NR5A2: variants seen among roughly 807,000 people sequenced by gnomAD.
NR5A2 encodes the protein CYP7A promoter-binding factor.
Under a neutral mutation model 62.7 loss-of-function variants are expected in NR5A2, and 26 were observed. That is an observed-to-expected ratio of 0.41 (90% CI 0.30 to 0.58). NR5A2 has a LOEUF of 0.58. Among genes scored for constraint, NR5A2 ranks in the 20% least tolerant of loss-of-function variants. The pLI is 0.22. For missense variants in NR5A2, 541 were observed against 669.1 expected, an observed-to-expected ratio of 0.81 and a Z score of 2.11; for synonymous variants, 246 against 241.7, an observed-to-expected ratio of 1.02 and a Z score of -0.16.
At chr1:200,087,241 A>AACACACACACACAC (rs34917175) in intron 5 of NR5A2, among the ~76,000 whole-genome samples, 16 of 148,510 alleles carry the variant, frequency 1.1e-4, no homozygotes, top group South Asian at 4.3e-4. Context: ...CTTCTTCACC[A>AACACACACACACAC]ACACACACAC....
chr1:200,064,484 A>C (rs1663379265), intron 5 of NR5A2, among the ~76,000 whole-genome samples: 1 of 152,192 alleles, frequency 6.6e-6, no homozygotes, highest in Admixed American at 6.5e-5. Flanking sequence ...ACTTCTTGGA[A>C]ACTTCAAGTA....
chr1:200,133,267 C>T (rs1667046418), intron 7 of NR5A2, among the ~76,000 whole-genome samples: 1 of 151,822 alleles, frequency 6.6e-6, no homozygotes, highest in Non-Finnish European at 1.5e-5. Flanking sequence ...ATGCTGGGTA[C>T]CCTGAACTTT....
intron 7 of NR5A2, among the ~76,000 whole-genome samples, chr1:200,154,469 G>A (rs1653284501): frequency 1.3e-5 from 2 of 152,194 alleles, no homozygotes; most frequent in African/African-American, 4.8e-5. Flanking sequence ...AGAGAGCAAT[G>A]GGGTGATACT....
chr1:200,070,800 T>G (rs1346102142), intron 5 of NR5A2, among the ~76,000 whole-genome samples: 2 of 146,374 alleles, frequency 1.4e-5, no homozygotes, highest in African/African-American at 2.5e-5. Flanking sequence ...AGAGCTGGTT[T>G]AAGTGGCTGG....
At chr1:200,164,127 C>T (rs141799571) in intron 7 of NR5A2, among the ~76,000 whole-genome samples, 2 of 152,124 alleles carry the variant, frequency 1.3e-5, no homozygotes, top group Admixed American at 6.5e-5. Flanking sequence ...TGTGCCTGCC[C>T]CACCCTCACC....
chr1:200,133,400 T>C (rs1667053430), intron 7 of NR5A2, among the ~76,000 whole-genome samples: 2 of 151,742 alleles, frequency 1.3e-5, no homozygotes, highest in Non-Finnish European at 1.5e-5. Flanking sequence ...TGGACTCAAA[T>C]TGGGCAATTC....
At chr1:200,094,775 G>A (rs985484943) in intron 5 of NR5A2, among the ~76,000 whole-genome samples, 1 of 151,176 alleles carries the variant, frequency 6.6e-6, no homozygotes, top group South Asian at 2.1e-4. Flanking sequence ...CTTGTGATCT[G>A]CCCGCCTCGG....
At chr1:200,117,379 C>T (rs1666272101) in intron 6 of NR5A2, among the ~76,000 whole-genome samples, 1 of 152,092 alleles carries the variant, frequency 6.6e-6, no homozygotes, top group South Asian at 2.1e-4. Context: ...TTTTCTAAGC[C>T]CCCATTTAAT....
At chr1:200,080,458 A>G (rs1009236657) in intron 5 of NR5A2, among the ~76,000 whole-genome samples, 3 of 152,174 alleles carry the variant, frequency 2.0e-5, no homozygotes, top group African/African-American at 4.8e-5. Flanking sequence ...CTTTGATTTT[A>G]TAGTTCCTGG....
chr1:200,110,602 G>A (rs1165525146), intron 5 of NR5A2, among the ~76,000 whole-genome samples: 1 of 152,144 alleles, frequency 6.6e-6, no homozygotes, highest in African/African-American at 2.4e-5. Flanking sequence ...AGAAATTCCA[G>A]TTAGCACCGA....
intron 5 of NR5A2, among the ~76,000 whole-genome samples, chr1:200,103,014 T>A (rs1236686207): frequency 6.6e-6 from 1 of 152,180 alleles, no homozygotes; most frequent in East Asian, 1.9e-4. Context: ...ATTTGGAAAG[T>A]TACTTAACTT....
At chr1:200,067,808 G>A (rs899326236) in intron 5 of NR5A2, among the ~76,000 whole-genome samples, 3 of 152,186 alleles carry the variant, frequency 2.0e-5, no homozygotes, top group Non-Finnish European at 4.4e-5. Context: ...AAAAGACTAA[G>A]TGCCTATGCA....
At chr1:200,100,843 T>C (rs1358946876) in intron 5 of NR5A2, among the ~76,000 whole-genome samples, 1 of 152,224 alleles carries the variant, frequency 6.6e-6, no homozygotes, top group African/African-American at 2.4e-5. Flanking sequence ...TGTTATCTCA[T>C]GTACAAAAAG....
At chr1:200,112,079 G>GAAAA (rs536242858) in intron 6 of NR5A2, among the ~76,000 whole-genome samples, 1 of 98,592 alleles carries the variant, frequency 1.0e-5, no homozygotes. Flanking sequence ...CTGAATAAAA[G>GAAAA]AAAAAAAAAA....
chr1:200,077,628 C>T (rs985145767), intron 5 of NR5A2, among the ~76,000 whole-genome samples: 12 of 152,136 alleles, frequency 7.9e-5, no homozygotes, highest in East Asian at 3.9e-4. Context: ...GCAGGAGAAT[C>T]GCTTGAACCT....
At chr1:200,053,815 G>A (rs987406103) in intron 5 of NR5A2, among the ~76,000 whole-genome samples, 2 of 152,124 alleles carry the variant, frequency 1.3e-5, no homozygotes, top group East Asian at 1.9e-4. Flanking sequence ...AGGCCACTGG[G>A]GTATCATTCA....
chr1:200,135,851 G>A (rs1358988239), intron 7 of NR5A2, among the ~76,000 whole-genome samples: 1 of 152,142 alleles, frequency 6.6e-6, no homozygotes, highest in African/African-American at 2.4e-5. Flanking sequence ...AGAAATGAAG[G>A]CTGCTTATCG....
intron 5 of NR5A2, among the ~76,000 whole-genome samples, chr1:200,101,434 T>C (rs1186690930): frequency 6.6e-6 from 1 of 152,210 alleles, no homozygotes; most frequent in Non-Finnish European, 1.5e-5. Context: ...ATGAAGTTTG[T>C]CAATACACGA....
intron 5 of NR5A2, among the ~76,000 whole-genome samples, chr1:200,104,640 T>C (rs1245013532): frequency 6.6e-6 from 1 of 152,116 alleles, no homozygotes; most frequent in East Asian, 1.9e-4. Flanking sequence ...TTCTGAAGCA[T>C]CTTCAAAATC....
Sources: gnomAD v4.1 joint callset for allele counts (sites outside exome capture counted in the v4.1 genomes callset) on GRCh38, gnomAD v4.1.1 for gene constraint, MANE v1.5 for transcripts, NCBI Gene and HGNC (gene_info 2026-07-23, HGNC 2026-07-21) for gene names.